The following PCDHA8 variants were observed in gnomAD, a reference collection of about 807,000 sequenced individuals.
PCDHA8 encodes protocadherin alpha-8.
PCDHA8 carries 53 observed loss-of-function variants against 61.8 expected under a neutral mutation model. The ratio of observed to expected loss-of-function variants is 0.86; its 90% CI spans 0.69 to 1.08. The LOEUF (loss-of-function observed/expected upper bound fraction) is 1.08, where lower values mean the gene tolerates loss of function less well. PCDHA8 is among the 50% of genes least tolerant of loss of function. The pLI, the probability that PCDHA8 is intolerant of heterozygous loss-of-function variation, is 0.00. For missense variants in PCDHA8, 1,293 were observed against 1,245.0 expected (o/e 1.04, Z -0.58); for synonymous variants, 618 against 556.6 (o/e 1.11, Z -1.55).
intron 2 of PCDHA8, 90 bp downstream of exon 2, chr5:140,979,097 C>T (rs2096835129): frequency 9.0e-6 from 14 of 1,547,204 alleles, no homozygotes; most frequent in African/African-American, 1.4e-5. Context: ...AAGCAGCTGT[C>T]AAAACTAAAA....
chr5:140,912,794 C>T (rs1554195532), intron 1 of PCDHA8, among the ~76,000 whole-genome samples: 1 of 151,998 alleles, frequency 6.6e-6, no homozygotes, highest in South Asian at 2.1e-4. Context: ...TGCCAATTTT[C>T]TTGAGGGTTT....
Position 140,877,000 on chromosome 5 carries a change from G to A in PCDHA8, c.2394+33285G>A, listed in dbSNP as rs191376557. The stretch of plus-strand genomic sequence containing the variant: ...GCACGCACTGTCGAGCTACGTGTCG[G>A]TGCACGCGGAGAGCGGCAAGGTGTA... On this transcript the variant is annotated intron_variant, in intron 1 of 3. Transcript: ENST00000531613. 1.7e-3 allele frequency: 2,818 copies of A among 1,612,598 alleles called. 5 individuals carry two copies. The highest frequency in any genetic ancestry group is 1.8e-3 in the Non-Finnish European group (2,166 of 1,179,806).
chr5:140,863,022 C>T (rs1339638342), intron 1 of PCDHA8: 3 of 554,506 alleles, frequency 5.4e-6, no homozygotes, highest in Non-Finnish European at 7.1e-6. Flanking sequence ...GCCTGGTTGT[C>T]GCAACAGCTG....
chr5:140,862,682 T>C (rs536714837), intron 1 of PCDHA8: 55 of 551,686 alleles, frequency 1.0e-4, no homozygotes, highest in South Asian at 7.3e-4. Flanking sequence ...AACGTGCTGG[T>C]GTCCTACTCG....
At chr5:140,928,109 A>C (rs1472439079) in intron 1 of PCDHA8, 1 of 1,613,986 alleles carries the variant, frequency 6.2e-7, no homozygotes, top group African/African-American at 1.3e-5. Context: ...CTGGACCGGG[A>C]GCAGATCAGT....
rs563512273 is a variant in PCDHA8 at position 140,921,751 on chromosome 5, A to G, written c.2395-57198A>G. Among the ~76,000 whole-genome samples, 11 of 152,290 alleles carry G rather than the reference A, an allele frequency of 7.2e-5. No homozygotes were observed. The East Asian group carries it at 7.7e-4, about 11-fold the overall frequency. On this transcript the variant is annotated intron_variant, in intron 1 of 3. Coordinates refer to ENST00000531613, the MANE Select transcript of PCDHA8 (RefSeq NM_018911.3). ...ATAAAAATTATAAGCATAACAGGAC[A>G]CTTCTTGGCTACTATTCAATACTGA...
intron 1 of PCDHA8, chr5:140,875,915 T>C: frequency 6.2e-7 from 1 of 1,614,214 alleles, no homozygotes; most frequent in Non-Finnish European, 8.5e-7. Context: ...TCTGCGCCTC[T>C]GGACTCTCAT....
intron 1 of PCDHA8, among the ~76,000 whole-genome samples, chr5:140,888,848 CAG>C (rs1554183676): frequency 6.6e-6 from 1 of 151,980 alleles, no homozygotes; most frequent in African/African-American, 2.4e-5. Context: ...AGCCTGGTGA[CAG>C]AGTGAGACCA....
In PCDHA8 at chr5:140,841,338, G is replaced by C. The variant is rs2150313822; in HGVS notation, c.17G>C (p.Arg6Pro). The change falls in exon 1 of 4, where the codon CGA (arginine) becomes CCA (proline). Residue 6 changes from arginine to proline, a missense_variant. Coordinates refer to ENST00000531613, the MANE Select transcript of PCDHA8 (RefSeq NM_018911.3). Reference protein sequence around the residue: MDYHWRGELGSWRLLL... With the variant: MDYHWPGELGSWRLLL... ...CTATTTAACATGGATTATCACTGGC[G>C]AGGAGAGCTGGGATCCTGGCGACTA... is the stretch of plus-strand genomic sequence containing the variant. 2 of 1,611,372 alleles carry C rather than the reference G, an allele frequency of 1.2e-6. No homozygotes were observed. Among genetic ancestry groups the C allele is most frequent in the South Asian group, 1.1e-5 (1 of 90,906 alleles).
rs2150495935 is a variant in PCDHA8 at position 140,850,724 on chromosome 5, C to G, written c.2394+7009C>G. On this transcript the variant is annotated intron_variant, in intron 1 of 3. Coordinates refer to ENST00000531613, the MANE Select transcript of PCDHA8 (RefSeq NM_018911.3). ...GCAAGCCGACGCTGGTGTGTTCTAGCGCGGTGGGGAGTTGGTCGTACTCGC... is the reference window on the plus strand; with the variant it reads ...GCAAGCCGACGCTGGTGTGTTCTAGGGCGGTGGGGAGTTGGTCGTACTCGC... 5.0e-6 allele frequency: 8 copies of G among 1,597,668 alleles called. No individual in the cohort carries two copies. The African/African-American group carries it at 1.1e-4, about 22-fold the overall frequency.
chr5:140,882,174 C>T (rs868925922), intron 1 of PCDHA8: 1 of 1,514,752 alleles, frequency 6.6e-7, no homozygotes. Context: ...CGAATCCTTC[C>T]GCACTAGGAA....
chr5:140,860,534 AAGAC>A, intron 1 of PCDHA8: 1 of 152,306 alleles, frequency 6.6e-6, no homozygotes, highest in Middle Eastern at 3.4e-3. Flanking sequence ...TCTGATTTGT[AAGAC>A]AAACCCACCT....
intron 1 of PCDHA8, among the ~76,000 whole-genome samples, chr5:140,938,866 G>A (rs1372323218): frequency 2.6e-5 from 4 of 152,040 alleles, no homozygotes; most frequent in African/African-American, 9.7e-5. Context: ...GAACTTAAAA[G>A]TTAAGAAGCA....
intron 1 of PCDHA8, chr5:140,869,085 G>C (rs1223648721): frequency 6.3e-7 from 1 of 1,583,562 alleles, no homozygotes; most frequent in Non-Finnish European, 8.6e-7. Flanking sequence ...GCTTATTTTG[G>C]AAGCCAATTT....
intron 1 of PCDHA8, among the ~76,000 whole-genome samples, chr5:140,936,916 A>C (rs782442769): frequency 3.0e-4 from 46 of 152,222 alleles, no homozygotes; most frequent in Non-Finnish European, 6.6e-4. Context: ...ATCTGTAGAA[A>C]ATATGGGGTA....
chr5:141,001,370 T>G (rs1187805238), intron 3 of PCDHA8, among the ~76,000 whole-genome samples: 1 of 152,218 alleles, frequency 6.6e-6, no homozygotes, highest in African/African-American at 2.4e-5. Context: ...ACTATTCTGA[T>G]TACAGAGCCT....
At chr5:140,888,703 G>C (rs547593291) in intron 1 of PCDHA8, among the ~76,000 whole-genome samples, 1 of 152,180 alleles carries the variant, frequency 6.6e-6, no homozygotes, top group Admixed American at 6.5e-5. Context: ...TGATTGGTAG[G>C]AATGTGAAAT....
intron 1 of PCDHA8, chr5:140,853,114 C>G: frequency 6.6e-6 from 3 of 456,918 alleles, no homozygotes; most frequent in Non-Finnish European, 8.8e-6. Flanking sequence ...CTCCTGACCT[C>G]ATGATCCTCC....
intron 1 of PCDHA8, among the ~76,000 whole-genome samples, chr5:140,977,949 G>A (rs919613337): frequency 2.6e-5 from 4 of 152,036 alleles, no homozygotes; most frequent in Admixed American, 6.6e-5. Context: ...TTCAGTGACA[G>A]GGCCACCTCA....
Sources: gnomAD v4.1 joint callset for allele counts (sites outside exome capture counted in the v4.1 genomes callset) on GRCh38, gnomAD v4.1.1 for gene constraint, MANE v1.5 for transcripts, NCBI Gene and HGNC (gene_info 2026-07-23, HGNC 2026-07-21) for gene names.